XPR1: variants seen among roughly 807,000 people sequenced by gnomAD.
XPR1 encodes xenotropic and polytropic retrovirus receptor 1.
XPR1 carries 28 observed loss-of-function variants against 87.5 expected under a neutral mutation model. That is an observed-to-expected ratio of 0.32 (90% CI 0.24 to 0.44). The LOEUF is 0.44. XPR1 is among the 20% of genes least tolerant of loss of function. The probability of loss-of-function intolerance (pLI) is 1.00; values close to 1 mark genes in which losing one functional copy is unlikely to be tolerated. For synonymous variants in XPR1, 300 were observed against 306.1 expected, an observed-to-expected ratio of 0.98 and a Z score of 0.21; for missense variants, 559 against 862.3, an observed-to-expected ratio of 0.65 and a Z score of 4.41.
chr1:180,754,547 A>C (rs1444608324), intron 2 of XPR1, among the ~76,000 whole-genome samples: 1 of 151,964 alleles, frequency 6.6e-6, no homozygotes, highest in Non-Finnish European at 1.5e-5. Flanking sequence ...TGCATCCTCA[A>C]CCTCCTGGGC....
intron 2 of XPR1, among the ~76,000 whole-genome samples, chr1:180,746,557 G>C (rs778959004): frequency 2.0e-5 from 3 of 151,350 alleles, no homozygotes; most frequent in Non-Finnish European, 4.4e-5. Context: ...CTTTGTAGTT[G>C]TGCTGCAATT....
chr1:180,886,854 C>G lies in XPR1; in HGVS notation c.*2788C>G, dbSNP rs1441480930. 6.6e-6 allele frequency: 1 copy of G among 152,162 alleles called. No individual in the cohort carries two copies. The highest frequency in any genetic ancestry group is 2.4e-5 in the African/African-American group (1 of 41,420). The allele number at this position is 152,162 out of a possible 1,614,324, so 9.4% of individuals were successfully genotyped here. A position where few individuals can be genotyped will look rare whatever the true frequency, so the allele number is the denominator to read the frequency against. On this transcript the variant is annotated 3_prime_UTR_variant, in exon 15 of 15. Transcript: ENST00000367590. ...TACAATTTGATTGGAGGCTCCCATA[C>G]ACTGAAACTCTCAATAGAATTCTTA... is the stretch of plus-strand genomic sequence containing the variant.
intron 2 of XPR1, among the ~76,000 whole-genome samples, chr1:180,710,622 A>G (rs1220070016): frequency 6.6e-6 from 1 of 152,100 alleles, no homozygotes; most frequent in Non-Finnish European, 1.5e-5. Context: ...CACAGCAACA[A>G]TCTGATTTCT....
At chr1:180,828,268 T>C (rs1459924638) in intron 9 of XPR1, among the ~76,000 whole-genome samples, 1 of 152,216 alleles carries the variant, frequency 6.6e-6, no homozygotes, top group Non-Finnish European at 1.5e-5. Context: ...ATCTATGGAA[T>C]TGATATATGC....
At chr1:180,760,974 C>T (rs1254369107) in intron 2 of XPR1, among the ~76,000 whole-genome samples, 1 of 152,044 alleles carries the variant, frequency 6.6e-6, no homozygotes, top group Non-Finnish European at 1.5e-5. Context: ...TATCTACAAC[C>T]ATCTGATCTT....
intron 2 of XPR1, among the ~76,000 whole-genome samples, chr1:180,763,634 A>G (rs909906331): frequency 6.6e-6 from 1 of 152,236 alleles, no homozygotes; most frequent in Non-Finnish European, 1.5e-5. Context: ...AAGTGCCCAT[A>G]TGTGACATGG....
intron 6 of XPR1, among the ~76,000 whole-genome samples, chr1:180,806,922 T>C (rs189831033): frequency 4.6e-5 from 7 of 152,182 alleles, no homozygotes; most frequent in South Asian, 2.1e-4. Context: ...ACAGTAGTTA[T>C]AAAAAAAGAA....
At chr1:180,822,982 G>C (rs1472888975) in intron 7 of XPR1, among the ~76,000 whole-genome samples, 2 of 152,182 alleles carry the variant, frequency 1.3e-5, no homozygotes, top group Non-Finnish European at 2.9e-5. Context: ...GCTCACTCCT[G>C]TAATCCCAGC....
intron 2 of XPR1, among the ~76,000 whole-genome samples, chr1:180,702,187 G>A (rs1657357933): frequency 1.1e-5 from 1 of 91,436 alleles, no homozygotes; most frequent in Non-Finnish European, 2.1e-5. Context: ...CCTTCATTTC[G>A]TTATGTACCC....
intron 11 of XPR1, among the ~76,000 whole-genome samples, chr1:180,842,929 C>T (rs1651565129): frequency 6.6e-6 from 1 of 152,212 alleles, no homozygotes; most frequent in African/African-American, 2.4e-5. Flanking sequence ...TTATAAAATA[C>T]TTGGAACAAA....
At chr1:180,811,689 T>G (rs931927719) in intron 7 of XPR1, among the ~76,000 whole-genome samples, 1 of 152,172 alleles carries the variant, frequency 6.6e-6, no homozygotes, top group Admixed American at 6.5e-5. Context: ...GGTATGGTTA[T>G]TCTCTAAAAC....
intron 11 of XPR1, among the ~76,000 whole-genome samples, chr1:180,861,469 T>G (rs1476980053): frequency 6.6e-6 from 1 of 152,118 alleles, no homozygotes; most frequent in East Asian, 1.9e-4. Flanking sequence ...TAGAATGAAA[T>G]AAATACATGT....
chr1:180,847,138 C>T (rs1651713672), intron 11 of XPR1, among the ~76,000 whole-genome samples: 1 of 152,168 alleles, frequency 6.6e-6, no homozygotes, highest in South Asian at 2.1e-4. Context: ...CAACACATTT[C>T]ATAGCTGGTA....
At chr1:180,842,431 A>G (rs936381395) in intron 11 of XPR1, among the ~76,000 whole-genome samples, 3 of 152,220 alleles carry the variant, frequency 2.0e-5, no homozygotes, top group Non-Finnish European at 4.4e-5. Context: ...GGATGATAAT[A>G]TAAGTGAGCT....
At chr1:180,812,528 G>A (rs1650255366) in intron 7 of XPR1, among the ~76,000 whole-genome samples, 1 of 151,878 alleles carries the variant, frequency 6.6e-6, no homozygotes, top group Non-Finnish European at 1.5e-5. Flanking sequence ...AGTTTCTCTT[G>A]TCCCTCATAT....
intron 7 of XPR1, among the ~76,000 whole-genome samples, chr1:180,813,049 C>A (rs888802777): frequency 2.8e-5 from 4 of 144,322 alleles, no homozygotes; most frequent in Non-Finnish European, 6.1e-5. Flanking sequence ...TTCCCCCCCC[C>A]CAATGGAAGT....
chr1:180,812,127 T>A (rs1448630895), intron 7 of XPR1, among the ~76,000 whole-genome samples: 1 of 140,122 alleles, frequency 7.1e-6, no homozygotes, highest in African/African-American at 3.3e-5. Context: ...CTTGAAACAC[T>A]TTGATTGTTT....
intron 6 of XPR1, among the ~76,000 whole-genome samples, chr1:180,809,525 A>G (rs1043927222): frequency 2.6e-5 from 4 of 152,254 alleles, no homozygotes; most frequent in Admixed American, 2.0e-4. Context: ...GAGAAAAGAC[A>G]CAAATTCTAT....
intron 2 of XPR1, among the ~76,000 whole-genome samples, chr1:180,770,480 A>T (rs1557999847): frequency 6.6e-6 from 1 of 152,094 alleles, no homozygotes; most frequent in African/African-American, 2.4e-5. Context: ...ATAACTCCTA[A>T]AGGCCCCACC....
Sources: gnomAD v4.1 joint callset for allele counts (sites outside exome capture counted in the v4.1 genomes callset) on GRCh38, gnomAD v4.1.1 for gene constraint, MANE v1.5 for transcripts, NCBI Gene and HGNC (gene_info 2026-07-23, HGNC 2026-07-21) for gene names.